CREB3L4: variants seen among roughly 807,000 people sequenced by gnomAD.
CREB3L4 encodes the protein cAMP responsive element binding protein 3 like 4.
Under a neutral mutation model 37.0 loss-of-function variants are expected in CREB3L4, and 28 were observed. The ratio of observed to expected loss-of-function variants is 0.76; its 90% CI spans 0.56 to 1.04. The LOEUF (loss-of-function observed/expected upper bound fraction) is 1.04. Among genes scored for constraint, CREB3L4 ranks in the 50% least tolerant of loss-of-function variants. The pLI, the probability that CREB3L4 is intolerant of heterozygous loss-of-function variation, is 0.00. For synonymous variants in CREB3L4, 175 were observed against 192.2 expected, an observed-to-expected ratio of 0.91 and a Z score of 0.74; for missense variants, 462 against 486.0, an observed-to-expected ratio of 0.95 and a Z score of 0.46.
At position 153,969,174 on chromosome 1, in the gene CREB3L4, T is replaced by G. The variant is rs773664133; in HGVS notation, c.419T>G (p.Leu140Arg). The G allele has an allele frequency of 1.9e-6, 3 of 1,614,112 alleles. No individual in the cohort carries two copies. Among genetic ancestry groups the G allele is most frequent in the Non-Finnish European group, 1.7e-6 (2 of 1,180,012 alleles). The change falls in exon 3 of 10, where the codon CTA (leucine) becomes CGA (arginine). Residue 140 changes from leucine to arginine, a missense_variant and splice_region_variant. Physicochemically the swap from Leu to Arg is moderately radical, Grantham distance 102. Coordinates refer to ENST00000368607, the MANE Select transcript of CREB3L4 (RefSeq NM_001255978.2). ...AATGTAGGCCTTATCTCCATCCAGC[T>G]AGGTCAGTGTTCTTTGTGGGAAGGG... Reference protein sequence around the residue: ...GPNVGLISIQLDQWSPAFMVP... With the variant: ...GPNVGLISIQRDQWSPAFMVP...
Position 153,973,634 on chromosome 1 carries a change from C to T in CREB3L4, c.912C>T (p.Ser304=). The T allele has an allele frequency of 6.2e-7, 1 of 1,611,996 alleles. No individual in the cohort carries two copies. Among genetic ancestry groups the T allele is most frequent in the Non-Finnish European group, 8.5e-7 (1 of 1,178,984 alleles). ...CTTCCTCCCAGATTCTTCTTTTTTC[C>T]CTGGCTCTCATCATCCTGCCCAGCT... ...TSTCVLILLF[S]LALIILPSFS... Residue 304 remains serine, a synonymous_variant, in exon 9 of 10, where the codon TCC becomes TCT. Transcript: ENST00000368607.
At chr1:153,967,594 T>A (rs1647882492), upstream of CREB3L4, 1 of 151,870 alleles carries the variant, frequency 6.6e-6, no homozygotes, top group Non-Finnish European at 1.5e-5. Context: ...GGGGGCTGCA[T>A]GGAACCGTGA....
intron 4 of CREB3L4, among the ~76,000 whole-genome samples, chr1:153,972,442 T>C (rs1648467003): frequency 6.6e-6 from 1 of 152,210 alleles, no homozygotes; most frequent in Admixed American, 6.5e-5. Context: ...CTCTTGGGTA[T>C]GGGGAGACAT....
chr1:153,968,575 A>G lies in CREB3L4; in HGVS notation c.50A>G (p.Glu17Gly), dbSNP rs2102156020. 1.2e-6 allele frequency: 2 copies of G among 1,614,070 alleles called. No individual in the cohort carries two copies. The highest frequency in any genetic ancestry group is 4.5e-5 in the East Asian group (2 of 44,878). ...CTGGACGCGTGGCTGGAGCCCCCAG[A>G]GGATATCTTCTCGACAGGATCCGTC... ...DLLDAWLEPP[E>G]DIFSTGSVLE... Residue 17 changes from glutamate (E) to glycine (G), a missense_variant, in exon 2 of 10, where the codon GAG becomes GGG. Physicochemically the swap from Glu to Gly is moderately conservative, Grantham distance 98 (BLOSUM62 -2). Transcript: ENST00000368607.
intron 4 of CREB3L4, among the ~76,000 whole-genome samples, chr1:153,969,970 C>G (rs1254466142): frequency 1.3e-5 from 2 of 150,258 alleles, no homozygotes; most frequent in Non-Finnish European, 3.0e-5. Context: ...ACTCTGTCAC[C>G]CAGGCTGGAG....
rs1279943650 is a variant in CREB3L4 at position 153,972,787 on chromosome 1, T to C, written c.587T>C (p.Leu196Pro). 1 of 1,614,086 alleles carries C rather than the reference T, an allele frequency of 6.2e-7. No homozygotes were observed. Residue 196 changes from leucine to proline, a missense_variant, in exon 5 of 10, where the codon CTG becomes CCG. Coordinates refer to ENST00000368607, the MANE Select transcript of CREB3L4 (RefSeq NM_001255978.2). The stretch of plus-strand genomic sequence containing the variant: ...TTCCTGACCGATGAGGAGAAGCGTC[T>C]GCTGGGGCAGGAAGGGGTTTCCCTG... The part of the protein sequence containing the change: ...TLFLTDEEKR[L>P]LGQEGVSLPS...
intron 4 of CREB3L4, 57 bp from the exon 5 acceptor site, chr1:153,972,687 C>A: frequency 7.0e-7 from 1 of 1,428,046 alleles, no homozygotes; most frequent in Non-Finnish European, 9.8e-7. Context: ...CTGGGTGCTG[C>A]AAATGGGATG....
chr1:153,968,224 A>C, intron 1 of CREB3L4, 60 bp downstream of exon 1: 1 of 225,890 alleles, frequency 4.4e-6, no homozygotes, highest in Non-Finnish European at 8.8e-6. Flanking sequence ...GGTCCAGGAT[A>C]CGAGATCCTG....
At position 153,974,064 on chromosome 1, in the gene CREB3L4, G is replaced by A. The variant is rs1571121008; in HGVS notation, c.1187G>A (p.Ter396=). Residue 396 remains the stop codon, a stop_retained_variant, in exon 10 of 10, where the codon TGA becomes TAA. Transcript: ENST00000368607. ...TCCGTGCTGCATGCAGATGAGATGT[G>A]AGCTGGAACAGACCTTCCTGGCCCA... ...IRSVLHADEM[*] 1 of 1,612,240 alleles carries A rather than the reference G, an allele frequency of 6.2e-7. No individual in the cohort carries two copies. The highest frequency in any genetic ancestry group is 8.5e-7 in the Non-Finnish European group (1 of 1,179,094).
At chr1:153,969,259 G>A in intron 3 of CREB3L4, 75 bp from the exon 4 acceptor site, 1 of 1,613,956 alleles carries the variant, frequency 6.2e-7, no homozygotes, top group Non-Finnish European at 8.5e-7. Flanking sequence ...CCCAACCTGT[G>A]CCACTACCCA....
intron 9 of CREB3L4, 32 bp from the exon 10 acceptor site, chr1:153,973,840 T>G (rs1261135265): frequency 6.2e-7 from 1 of 1,608,594 alleles, no homozygotes; most frequent in Non-Finnish European, 8.5e-7. Flanking sequence ...AGGGGAGCAC[T>G]CTACTACTGC....
Position 153,973,481 on chromosome 1 carries a change from T to C in CREB3L4, c.897+17T>C. ...TGTGTTTTGGTACCATTAGTCTATC[T>C]ACTCCCATCTCCCCCCACACTTCTA... is the stretch of plus-strand genomic sequence containing the variant. On this transcript the variant is annotated intron_variant, in intron 8 of 9. Transcript: ENST00000368607. 2 of 1,607,684 alleles carry C rather than the reference T, an allele frequency of 1.2e-6. No homozygotes were observed. Among genetic ancestry groups the C allele is most frequent in the African/African-American group, 2.7e-5 (2 of 74,850 alleles).
Position 153,973,608 on chromosome 1 carries a change from G to C in CREB3L4, c.898-12G>C. 6.2e-7 allele frequency: 1 copy of C among 1,608,718 alleles called. No individual in the cohort carries two copies. The highest frequency in any genetic ancestry group is 8.5e-7 in the Non-Finnish European group (1 of 1,176,378). On this transcript the variant is annotated splice_polypyrimidine_tract_variant and intron_variant, in intron 8 of 9. Coordinates refer to ENST00000368607, the MANE Select transcript of CREB3L4 (RefSeq NM_001255978.2). ...CCTGCTCCCTTCATCTGTTCCTCTT[G>C]CTTCCTCCCAGATTCTTCTTTTTTC... is the stretch of plus-strand genomic sequence containing the variant.
chr1:153,969,154 AG>A lies in CREB3L4; in HGVS notation c.401del (p.Gly134AlafsTer7). ...RMQGETGPNV[G>X]LISIQLDQWS... The stretch of plus-strand genomic sequence containing the variant: ...TGCAGGGGGAAACTGGGCCAAATGT[AG>A]GCCTTATCTCCATCCAGCTAGGTCA... On this transcript the variant is annotated frameshift_variant, in exon 3 of 10. Transcript: ENST00000368607. LOFTEE classifies it high-confidence loss of function. 1.2e-6 allele frequency: 2 copies of A among 1,614,166 alleles called. No homozygotes were observed. Among genetic ancestry groups the A allele is most frequent in the Middle Eastern group, 3.3e-4 (2 of 6,062 alleles).
At chr1:153,972,576 G>A (rs1201426451) in intron 4 of CREB3L4, among the ~76,000 whole-genome samples, 168 bp from the exon 5 acceptor site, 1 of 152,078 alleles carries the variant, frequency 6.6e-6, no homozygotes, top group Non-Finnish European at 1.5e-5. Context: ...GCTTGATCTA[G>A]AGCCTGTCTG....
intron 4 of CREB3L4, among the ~76,000 whole-genome samples, chr1:153,970,738 TC>T (rs1395392978): frequency 1.6e-5 from 2 of 128,118 alleles, no homozygotes; most frequent in African/African-American, 2.9e-5. Flanking sequence ...CATCTTAGAA[TC>T]TTTTTTTTTT....
rs992744863 is a variant in CREB3L4 at position 153,968,587 on chromosome 1, C to T, written c.62C>T (p.Ser21Leu). 1.2e-6 allele frequency: 2 copies of T among 1,614,110 alleles called. No individual in the cohort carries two copies. The highest frequency in any genetic ancestry group is 2.7e-5 in the African/African-American group (2 of 75,010). ...CTGGAGCCCCCAGAGGATATCTTCT[C>T]GACAGGATCCGTCCTGGAGCTGGGA... ...AWLEPPEDIF[S>L]TGSVLELGLH... The change falls in exon 2 of 10, where the codon TCG becomes TTG. Residue 21 changes from serine (S) to leucine (L), a missense_variant. By Grantham distance (145) the Ser-to-Leu change is moderately radical (BLOSUM62 -2). Transcript: ENST00000368607.
At chr1:153,969,502 A>G in intron 4 of CREB3L4, 47 bp downstream of exon 4, 1 of 1,602,680 alleles carries the variant, frequency 6.2e-7, no homozygotes, top group Non-Finnish European at 8.5e-7. Flanking sequence ...ATACATATAT[A>G]ATCACACAGA....
At chr1:153,967,508 G>A (rs937055598), upstream of CREB3L4, 3 of 152,292 alleles carry the variant, frequency 2.0e-5, no homozygotes, top group East Asian at 3.9e-4. Context: ...CCCGCCGGCC[G>A]GACGCAGTGG....
Sources: allele counts gnomAD v4.1 joint callset (sites outside exome capture counted in the v4.1 genomes callset), GRCh38; gene constraint gnomAD v4.1.1; transcripts MANE v1.5; gene names NCBI Gene and HGNC (gene_info 2026-07-23, HGNC 2026-07-21).